The following ZSWIM6 variants were observed in gnomAD, a reference collection of about 807,000 sequenced individuals.
The protein encoded by ZSWIM6 is zinc finger SWIM-type containing 6, also known as zinc finger SWIM domain-containing protein 6.
ZSWIM6 carries 9 observed loss-of-function variants against 113.2 expected under a neutral mutation model. That is an observed-to-expected ratio of 0.08 (90% CI 0.05 to 0.14). ZSWIM6 has a LOEUF of 0.14. Among genes scored for constraint, ZSWIM6 ranks in the 10% least tolerant of loss-of-function variants. The pLI, the probability that ZSWIM6 is intolerant of heterozygous loss-of-function variation, is 1.00. For missense variants in ZSWIM6, 1,162 were observed against 1,552.2 expected (o/e 0.75, Z 4.22); for synonymous variants, 611 against 606.5 (o/e 1.01, Z -0.11).
chr5:61,375,981 A>AT (rs1300018653), intron 1 of ZSWIM6: 1 of 566,568 alleles, frequency 1.8e-6, no homozygotes, highest in African/African-American at 2.4e-5. Flanking sequence ...TTCCTGGACT[A>AT]TTCAGTAGCC....
intron 1 of ZSWIM6, among the ~76,000 whole-genome samples, chr5:61,368,536 T>C (rs1241728293): frequency 9.9e-5 from 15 of 152,226 alleles, no homozygotes; most frequent in Admixed American, 9.8e-4. Flanking sequence ...TCCCTTATGT[T>C]AGCCCTTGAA....
At chr5:61,358,214 A>G (rs1319649985) in intron 1 of ZSWIM6, among the ~76,000 whole-genome samples, 2 of 152,348 alleles carry the variant, frequency 1.3e-5, no homozygotes, top group Admixed American at 1.3e-4. Flanking sequence ...CCCTGTAACA[A>G]GGAAAATGCA....
intron 1 of ZSWIM6, among the ~76,000 whole-genome samples, chr5:61,427,152 A>T (rs1022875004): frequency 6.6e-6 from 1 of 152,240 alleles, no homozygotes; most frequent in Admixed American, 6.5e-5. Flanking sequence ...ATAATTAAAT[A>T]GCCTACATTT....
chr5:61,333,390 C>G (rs1487687416), intron 1 of ZSWIM6, among the ~76,000 whole-genome samples: 1 of 151,886 alleles, frequency 6.6e-6, no homozygotes, highest in South Asian at 2.1e-4. Context: ...GGCCGCGGCC[C>G]GGCCGCTCGG....
chr5:61,359,846 A>AC (rs1171111806), intron 1 of ZSWIM6, among the ~76,000 whole-genome samples: 2 of 152,192 alleles, frequency 1.3e-5, no homozygotes, highest in Admixed American at 1.3e-4. Context: ...TGGAAAAAAA[A>AC]CAAAACAAAA....
intron 7 of ZSWIM6, 112 bp from the exon 8 acceptor site, chr5:61,529,940 G>A (rs1364491346): frequency 1.1e-6 from 1 of 934,100 alleles, no homozygotes; most frequent in Non-Finnish European, 1.5e-6. Flanking sequence ...ACAGAATTCA[G>A]AACTGGTTTA....
intron 1 of ZSWIM6, among the ~76,000 whole-genome samples, chr5:61,359,724 A>G (rs1744991405): frequency 6.6e-6 from 1 of 151,974 alleles, no homozygotes; most frequent in Non-Finnish European, 1.5e-5. Context: ...ATATTGATAA[A>G]GTGCTTTCTA....
intron 1 of ZSWIM6, among the ~76,000 whole-genome samples, chr5:61,356,722 A>G (rs1744917504): frequency 1.3e-5 from 1 of 75,494 alleles, no homozygotes; most frequent in South Asian, 3.2e-4. Context: ...TATATATAAC[A>G]TAATATATAA....
chr5:61,543,379 T>C lies in ZSWIM6; in HGVS notation c.2786-76T>C, dbSNP rs1164536410. On this transcript the variant is annotated intron_variant, in intron 13 of 13. Coordinates refer to ENST00000252744, the MANE Select transcript of ZSWIM6 (RefSeq NM_020928.2). This position sits in a 1 kb window ranked among gnomAD's most constrained non-coding sequence, Gnocchi z 4.3. ...TGATGGTTAACAATGTAAACACTGGTTGTAAAAGTCAAAATAAGGCAGGAC... is the reference window on the plus strand; with the variant it reads ...TGATGGTTAACAATGTAAACACTGGCTGTAAAAGTCAAAATAAGGCAGGAC... 5.5e-6 allele frequency: 8 copies of C among 1,461,118 alleles called. No homozygotes were observed. The highest frequency in any genetic ancestry group is 7.3e-6 in the Non-Finnish European group (8 of 1,103,178). The allele number at this position is 1,461,118 out of a possible 1,614,324, so 90.5% of individuals were successfully genotyped here. A position where few individuals can be genotyped will look rare whatever the true frequency, so the allele number is the denominator to read the frequency against.
At chr5:61,517,946 AC>A (rs1263792304) in intron 4 of ZSWIM6, among the ~76,000 whole-genome samples, 1 of 44,104 alleles carries the variant, frequency 2.3e-5, no homozygotes, top group Non-Finnish European at 4.1e-5. Context: ...CCCTCCCCCC[AC>A]CCCACAACAG....
chr5:61,466,212 T>C (rs1747432134), intron 1 of ZSWIM6, among the ~76,000 whole-genome samples: 1 of 152,190 alleles, frequency 6.6e-6, no homozygotes, highest in South Asian at 2.1e-4. Context: ...AAAAGGGTTT[T>C]TTTGGGCAAT....
chr5:61,374,318 T>A lies in ZSWIM6; in HGVS notation c.676+41370T>A, dbSNP rs559838376. Among the ~76,000 whole-genome samples the A allele has an allele frequency of 1.7e-4, 26 of 152,322 alleles. No homozygotes were observed. In the South Asian group the frequency reaches 5.2e-3, roughly 30 times the overall value. On this transcript the variant is annotated intron_variant, in intron 1 of 13. Transcript: ENST00000252744. Reference sequence around the variant, plus strand: ...AGAATTGTTTCTTATTTATATTTAATTTATGGATAAACTCAGGGAATCTGC... The same window carrying A: ...AGAATTGTTTCTTATTTATATTTAAATTATGGATAAACTCAGGGAATCTGC...
intron 2 of ZSWIM6, among the ~76,000 whole-genome samples, chr5:61,479,708 C>T (rs1747805101): frequency 6.6e-6 from 1 of 152,082 alleles, no homozygotes; most frequent in African/African-American, 2.4e-5. Flanking sequence ...TGCTTTCCAG[C>T]TTTGTTAACA....
chr5:61,399,256 A>T, intron 1 of ZSWIM6, among the ~76,000 whole-genome samples: 1 of 144,778 alleles, frequency 6.9e-6, no homozygotes, highest in Non-Finnish European at 1.5e-5. Flanking sequence ...TTTTTTAAAG[A>T]TAATCAGTGT....
chr5:61,363,657 G>A (rs943964933), intron 1 of ZSWIM6, among the ~76,000 whole-genome samples: 6 of 152,130 alleles, frequency 3.9e-5, no homozygotes, highest in African/African-American at 9.7e-5. Flanking sequence ...AAGGATGGAC[G>A]TAAAAATACT....
intron 1 of ZSWIM6, among the ~76,000 whole-genome samples, chr5:61,351,854 A>G (rs1210434430): frequency 2.0e-5 from 3 of 152,210 alleles, no homozygotes; most frequent in African/African-American, 7.2e-5. Flanking sequence ...CTATGTTTGT[A>G]CACACATGCA....
intron 3 of ZSWIM6, among the ~76,000 whole-genome samples, chr5:61,492,782 A>C (rs1010507561): frequency 1.3e-5 from 2 of 152,106 alleles, no homozygotes; most frequent in African/African-American, 4.8e-5. Flanking sequence ...AAAGCAGGTG[A>C]GGAATTTCCA....
At chr5:61,491,076 T>G (rs573648485) in intron 3 of ZSWIM6, 142 bp downstream of exon 3, 1 of 739,144 alleles carries the variant, frequency 1.4e-6, no homozygotes, top group East Asian at 3.4e-5. Context: ...ACTTTTGTAT[T>G]GTAATGCAAG....
intron 1 of ZSWIM6, among the ~76,000 whole-genome samples, chr5:61,471,443 A>G (rs1326476288): frequency 1.3e-5 from 2 of 152,198 alleles, no homozygotes; most frequent in Admixed American, 1.3e-4. Flanking sequence ...CCTGGTGGGC[A>G]CTGGTGGTGG....
Sources: gnomAD v4.1 joint callset for allele counts (sites outside exome capture counted in the v4.1 genomes callset) on GRCh38, gnomAD v4.1.1 for gene constraint, Gnocchi (gnomAD v3.1) non-coding constraint, MANE v1.5 for transcripts, NCBI Gene and HGNC (gene_info 2026-07-23, HGNC 2026-07-21) for gene names.